ADGRB3: variants seen among roughly 807,000 people sequenced by gnomAD.
ADGRB3 encodes the protein adhesion G protein-coupled receptor B3, also known as brain-specific angiogenesis inhibitor 3.
A neutral mutation model predicts 193.4 loss-of-function variants in ADGRB3; 37 were observed. The observed-to-expected ratio is 0.19, with a 90% CI of 0.15 to 0.25. The LOEUF (loss-of-function observed/expected upper bound fraction) is 0.25, where lower values mean the gene tolerates loss of function less well. Ranked by LOEUF, ADGRB3 falls within the 10% of genes least tolerant of loss-of-function variation. ADGRB3 has a pLI of 1.00. For missense variants in ADGRB3, 1,637 were observed against 1,852.9 expected, an observed-to-expected ratio of 0.88 and a Z score of 2.14; for synonymous variants, 690 against 644.2, an observed-to-expected ratio of 1.07 and a Z score of -1.08.
chr6:69,343,675 T>C (rs1278633878), intron 26 of ADGRB3, among the ~76,000 whole-genome samples: 1 of 152,104 alleles, frequency 6.6e-6, no homozygotes, highest in East Asian at 1.9e-4. Flanking sequence ...GGAATAACTT[T>C]TCTTTTGAAT....
chr6:68,641,180 G>A (rs1768075348), intron 3 of ADGRB3, among the ~76,000 whole-genome samples: 1 of 152,140 alleles, frequency 6.6e-6, no homozygotes. Flanking sequence ...TTCTTCAATG[G>A]TTAAATTGAG....
chr6:69,246,896 G>A (rs1278973464), intron 20 of ADGRB3, among the ~76,000 whole-genome samples: 1 of 152,118 alleles, frequency 6.6e-6, no homozygotes, highest in Non-Finnish European at 1.5e-5. Flanking sequence ...TAGTGTGCAG[G>A]TGATTGCTTT....
chr6:69,388,349 TC>T (rs1173814948), intron 31 of ADGRB3, among the ~76,000 whole-genome samples: 5 of 152,138 alleles, frequency 3.3e-5, no homozygotes, highest in Non-Finnish European at 7.4e-5. Context: ...ACTTACATTT[TC>T]TACATTTAAT....
intron 3 of ADGRB3, among the ~76,000 whole-genome samples, chr6:68,669,900 C>T (rs1489917519): frequency 6.6e-6 from 1 of 151,868 alleles, no homozygotes; most frequent in Non-Finnish European, 1.5e-5. Flanking sequence ...GTGTATGAGA[C>T]TTCCATTTCC....
chr6:69,300,344 A>C (rs912557047), intron 20 of ADGRB3, among the ~76,000 whole-genome samples: 1 of 151,768 alleles, frequency 6.6e-6, no homozygotes, highest in Non-Finnish European at 1.5e-5. Flanking sequence ...TGTATGAAAA[A>C]TTCACAGCCA....
rs180978387 is a variant in ADGRB3, at chr6:69,257,225, A to G, written c.2814+17999A>G. Among the ~76,000 whole-genome samples, 671 of 152,300 alleles carry G rather than the reference A, an allele frequency of 4.4e-3. 12 individuals are homozygous for G. The highest frequency in any genetic ancestry group is 6.0e-3 in the South Asian group (29 of 4,830). ...GAATGATGCTGGCCTCATAAAATGA[A>G]TTAGGGAGGATTCCCTCTTTTTCTA... On this transcript the variant is annotated intron_variant, in intron 20 of 31. Coordinates refer to ENST00000370598, the MANE Select transcript of ADGRB3 (RefSeq NM_001704.3).
chr6:69,012,614 A>G (rs1769969739), intron 11 of ADGRB3, among the ~76,000 whole-genome samples: 1 of 152,092 alleles, frequency 6.6e-6, no homozygotes, highest in Non-Finnish European at 1.5e-5. Flanking sequence ...ACAGACTTGC[A>G]GGTTTTTTAA....
chr6:69,195,222 C>T (rs958266872), intron 17 of ADGRB3, among the ~76,000 whole-genome samples: 15 of 152,054 alleles, frequency 9.9e-5, no homozygotes, highest in African/African-American at 3.1e-4. Flanking sequence ...GCAGATACTA[C>T]TCTTAGAAGT....
At chr6:69,328,875 T>A (rs1313494793) in intron 22 of ADGRB3, among the ~76,000 whole-genome samples, 1 of 152,174 alleles carries the variant, frequency 6.6e-6, no homozygotes, top group Admixed American at 6.6e-5. Context: ...TTGGTATACA[T>A]CTATTTTTGG....
At chr6:69,263,148 A>T (rs980945834) in intron 20 of ADGRB3, among the ~76,000 whole-genome samples, 1 of 151,994 alleles carries the variant, frequency 6.6e-6, no homozygotes, top group African/African-American at 2.4e-5. Flanking sequence ...CTTTGTTATG[A>T]CTTCCTTCAG....
intron 3 of ADGRB3, among the ~76,000 whole-genome samples, chr6:68,756,502 C>T (rs1432891105): frequency 6.6e-6 from 1 of 152,070 alleles, no homozygotes; most frequent in Non-Finnish European, 1.5e-5. Context: ...GAAATAGAAG[C>T]ATGGGCTTCT....
intron 17 of ADGRB3, among the ~76,000 whole-genome samples, chr6:69,170,952 C>T (rs1432272567): frequency 6.6e-6 from 1 of 152,050 alleles, no homozygotes; most frequent in African/African-American, 2.4e-5. Context: ...AAGCTACATA[C>T]ATAATTTGCA....
At chr6:69,196,203 A>G (rs1222247856) in intron 17 of ADGRB3, among the ~76,000 whole-genome samples, 1 of 152,124 alleles carries the variant, frequency 6.6e-6, no homozygotes, top group Non-Finnish European at 1.5e-5. Flanking sequence ...ATAAAGTCAT[A>G]TATTTTTACA....
intron 3 of ADGRB3, among the ~76,000 whole-genome samples, chr6:68,717,627 A>T (rs558947334): frequency 6.6e-6 from 1 of 151,514 alleles, no homozygotes; most frequent in South Asian, 2.1e-4. Context: ...TAAGAATTTC[A>T]TGTACTTCTA....
At chr6:68,814,763 C>G (rs1767594830) in intron 3 of ADGRB3, among the ~76,000 whole-genome samples, 1 of 125,680 alleles carries the variant, frequency 8.0e-6, no homozygotes, top group Admixed American at 7.4e-5. Flanking sequence ...CCGAATCCAG[C>G]AGCACATCAA....
At chr6:68,784,507 T>C (rs574846901) in intron 3 of ADGRB3, among the ~76,000 whole-genome samples, 3 of 152,312 alleles carry the variant, frequency 2.0e-5, no homozygotes, top group African/African-American at 7.2e-5. Context: ...ATCTACATAC[T>C]CTTTTATTAC....
At chr6:69,126,930 C>T (rs1442646551) in intron 17 of ADGRB3, among the ~76,000 whole-genome samples, 1 of 152,198 alleles carries the variant, frequency 6.6e-6, no homozygotes, top group South Asian at 2.1e-4. Context: ...AGACCCTCTT[C>T]TTCCCTAGTA....
intron 13 of ADGRB3, among the ~76,000 whole-genome samples, chr6:69,044,048 C>G (rs1771164891): frequency 1.3e-5 from 2 of 151,802 alleles, no homozygotes; most frequent in South Asian, 4.2e-4. Flanking sequence ...CTCAAAAAAA[C>G]AAAAACAAAA....
chr6:69,321,248 T>C (rs1308492670), intron 20 of ADGRB3, among the ~76,000 whole-genome samples: 2 of 151,822 alleles, frequency 1.3e-5, no homozygotes, highest in South Asian at 4.1e-4. Flanking sequence ...AAAACAGTGC[T>C]CAGTTTGACA....
Sources: allele counts gnomAD v4.1 joint callset (sites outside exome capture counted in the v4.1 genomes callset), GRCh38; gene constraint gnomAD v4.1.1; transcripts MANE v1.5; gene names NCBI Gene and HGNC (gene_info 2026-07-23, HGNC 2026-07-21).